Variants in CLEC16A observed in about 807,000 individuals in gnomAD.
The protein encoded by CLEC16A is protein CLEC16A.
Under a neutral mutation model 109.5 loss-of-function variants are expected in CLEC16A, and 51 were observed. That is an observed-to-expected ratio of 0.47 (90% CI 0.37 to 0.59). The LOEUF (loss-of-function observed/expected upper bound fraction) is 0.59, where lower values mean the gene tolerates loss of function less well. Ranked by LOEUF, CLEC16A falls within the 20% of genes least tolerant of loss-of-function variation. The pLI is 0.00. For missense variants in CLEC16A, 1,339 were observed against 1,394.0 expected (o/e 0.96, Z 0.63); for synonymous variants, 673 against 564.2 (o/e 1.19, Z -2.73).
chr16:10,969,586 C>T (rs138029496), intron 4 of CLEC16A, among the ~76,000 whole-genome samples: 20 of 152,276 alleles, frequency 1.3e-4, no homozygotes, highest in East Asian at 5.8e-4. Context: ...GGGGCACAAG[C>T]GATCCTCCTA....
At chr16:10,968,788 G>C (rs2042638306) in intron 3 of CLEC16A, among the ~76,000 whole-genome samples, 1 of 152,166 alleles carries the variant, frequency 6.6e-6, no homozygotes, top group African/African-American at 2.4e-5. Flanking sequence ...GATGGCAGAA[G>C]GGGGCAGCTT....
intron 22 of CLEC16A, among the ~76,000 whole-genome samples, chr16:11,145,172 G>A (rs2054000361): frequency 6.6e-6 from 1 of 152,170 alleles, no homozygotes; most frequent in Non-Finnish European, 1.5e-5. Context: ...TGGTTGGAGG[G>A]CCCAGGGAAT....
chr16:11,026,649 T>G (rs2046419168), intron 13 of CLEC16A, among the ~76,000 whole-genome samples: 2 of 147,494 alleles, frequency 1.4e-5, no homozygotes, highest in Non-Finnish European at 3.0e-5. Flanking sequence ...TTTGGGGTTT[T>G]TTTTTTTTTT....
intron 22 of CLEC16A, among the ~76,000 whole-genome samples, chr16:11,142,106 G>T (rs913829719): frequency 2.0e-5 from 3 of 152,166 alleles, no homozygotes; most frequent in Non-Finnish European, 4.4e-5. Flanking sequence ...GGCAGGTATG[G>T]TTACTCTCCC....
intron 22 of CLEC16A, among the ~76,000 whole-genome samples, chr16:11,127,294 A>C (rs1348331980): frequency 6.6e-6 from 1 of 152,234 alleles, no homozygotes; most frequent in Non-Finnish European, 1.5e-5. Context: ...CTTAACTGTT[A>C]CATGGTATTT....
intron 13 of CLEC16A, among the ~76,000 whole-genome samples, chr16:11,038,169 T>C (rs1181599497): frequency 6.6e-6 from 1 of 152,178 alleles, no homozygotes; most frequent in Non-Finnish European, 1.5e-5. Context: ...AGATATATTG[T>C]TACTTCTTAT....
intron 17 of CLEC16A, among the ~76,000 whole-genome samples, chr16:11,049,478 T>TTTTGCTTG (rs1555469402): frequency 6.6e-6 from 1 of 150,928 alleles, no homozygotes; most frequent in African/African-American, 2.4e-5. Flanking sequence ...TCCCAGGTTT[T>TTTTGCTTG]TTTGTTTGTT....
At position 11,024,864 on chromosome 16, in the gene CLEC16A, G is replaced by C. The variant is rs777259686; in HGVS notation, c.1480G>C (p.Asp494His). The C allele has an allele frequency of 1.5e-5, 24 of 1,609,868 alleles. No homozygotes were observed. The highest frequency in any genetic ancestry group is 9.3e-6 in the Non-Finnish European group (11 of 1,178,210). ...GTACCACGCGCTGGACAGCCCGGAT[G>C]ATGATTACCATGCCCTGTTCGTGCT... ...MVYHALDSPD[D>H]DYHALFVLCL... Residue 494 changes from aspartate to histidine, a missense_variant, in exon 13 of 24, where the codon GAT (aspartate) becomes CAT (histidine). Asp to His is a moderately conservative substitution (Grantham distance 81). This residue lies in a region of CLEC16A where 1,061 missense variants were observed against 1,006.8 expected (regional missense o/e 1.05). Coordinates refer to ENST00000409790, the MANE Select transcript of CLEC16A (RefSeq NM_015226.3).
At chr16:11,000,507 C>G (rs756869133) in intron 10 of CLEC16A, among the ~76,000 whole-genome samples, 1 of 152,196 alleles carries the variant, frequency 6.6e-6, no homozygotes, top group Admixed American at 6.5e-5. Context: ...AGGAAGCTAA[C>G]TTCCTGGGTT....
chr16:10,949,764 T>G (rs1216644022), intron 1 of CLEC16A, among the ~76,000 whole-genome samples: 1 of 151,990 alleles, frequency 6.6e-6, no homozygotes. Flanking sequence ...AGACTGGAGG[T>G]GGGCCTCCAC....
Position 11,039,861 on chromosome 16 carries a change from A to C in CLEC16A, c.1645A>C (p.Asn549His). The C allele has an allele frequency of 6.2e-7, 1 of 1,612,884 alleles. No homozygotes were observed. Among genetic ancestry groups the C allele is most frequent in the Non-Finnish European group, 8.5e-7 (1 of 1,179,506 alleles). ...TGAAAGACTCATCAGGATCATGAACAACGCTGCCCAGCCAGGTGCCCACTT... is the reference window on the plus strand; with the variant it reads ...TGAAAGACTCATCAGGATCATGAACCACGCTGCCCAGCCAGGTGCCCACTT... ...LAERLIRIMN[N>H]AAQPDGKIRL... The change falls in exon 14 of 24, where the codon AAC becomes CAC. Residue 549 changes from asparagine (N) to histidine (H), a missense_variant. By Grantham distance (68) the Asn-to-His change is moderately conservative. Transcript: ENST00000409790.
rs536067685 is a variant in CLEC16A at position 11,121,879 on chromosome 16, C to CAAAAAAAA, written c.2268+1134_2268+1141dup. On this transcript the variant is annotated intron_variant, in intron 20 of 23. Coordinates refer to ENST00000409790, the MANE Select transcript of CLEC16A (RefSeq NM_015226.3). Reference sequence around the variant, plus strand: ...TGGGCGGCAGAGTGAGACCCTGTCTCAAAAAAAAAAAAAAAAAAAAAAAAA... The same window carrying CAAAAAAAA: ...TGGGCGGCAGAGTGAGACCCTGTCTCAAAAAAAAAAAAAAAAAAAAAAAAAAAAAAAAA... Among the ~76,000 whole-genome samples, 9 of 29,842 alleles carry CAAAAAAAA rather than the reference C, an allele frequency of 3.0e-4. 1 individual carries two copies. The highest frequency in any genetic ancestry group is 4.6e-4 in the Non-Finnish European group (8 of 17,208). 19.6% of individuals were successfully genotyped at this position (29,842 alleles called of 152,430 possible). A position where few individuals can be genotyped will look rare whatever the true frequency, so the allele number is the denominator to read the frequency against.
Position 10,961,494 on chromosome 16 carries a change from T to A in CLEC16A, c.210-961T>A, listed in dbSNP as rs945556907. Reference sequence around the variant, plus strand: ...TGTTAGCTTGAGTACAGAGAACACATAACTAGAAACGTCATTCTCTTCCTT... The same window carrying A: ...TGTTAGCTTGAGTACAGAGAACACAAAACTAGAAACGTCATTCTCTTCCTT... On this transcript the variant is annotated intron_variant, in intron 2 of 23. Transcript: ENST00000409790. This position sits in a 1 kb window ranked among gnomAD's most constrained non-coding sequence, Gnocchi z 4.3. Among the ~76,000 whole-genome samples, 2 of 152,150 alleles carry A rather than the reference T, an allele frequency of 1.3e-5. No homozygotes were observed. Among genetic ancestry groups the A allele is most frequent in the African/African-American group, 4.8e-5 (2 of 41,436 alleles).
chr16:10,994,832 T>C (rs1200550083), intron 10 of CLEC16A, among the ~76,000 whole-genome samples: 1 of 152,248 alleles, frequency 6.6e-6, no homozygotes, highest in Non-Finnish European at 1.5e-5. Context: ...CTCTGATTAG[T>C]GTGACGTCGG....
In CLEC16A at chr16:10,973,887, C is replaced by CTTTTTT. The variant is rs569414844; in HGVS notation, c.728+851_728+856dup. 9.7e-3 allele frequency among the ~76,000 whole-genome samples: 452 copies of CTTTTTT among 46,584 alleles called. 122 individuals carry two copies. Among genetic ancestry groups the CTTTTTT allele is most frequent in the African/African-American group, 0.025 (200 of 8,096 alleles). 30.6% of individuals were successfully genotyped at this position (46,584 alleles called of 152,430 possible). A position where few individuals can be genotyped will look rare whatever the true frequency, so the allele number is the denominator to read the frequency against. ...ATCCGGCCAAGTAAGGGGCTGCTTG[C>CTTTTTT]TTTTTTTTTTTTTTTTTTTTTTTTT... On this transcript the variant is annotated intron_variant, in intron 7 of 23. Coordinates refer to ENST00000409790, the MANE Select transcript of CLEC16A (RefSeq NM_015226.3).
intron 12 of CLEC16A, among the ~76,000 whole-genome samples, chr16:11,022,625 T>C (rs535542910): frequency 1.1e-4 from 17 of 152,076 alleles, no homozygotes; most frequent in East Asian, 7.7e-4. Flanking sequence ...AGAGGCCGGG[T>C]GCAGTGGCTC....
chr16:11,178,687 C>A lies in CLEC16A; in HGVS notation c.3159C>A (p.Asp1053Glu), dbSNP rs200068117. The A allele has an allele frequency of 6.7e-7, 1 of 1,489,824 alleles. No individual in the cohort carries two copies. Among genetic ancestry groups the A allele is most frequent in the Non-Finnish European group, 8.9e-7 (1 of 1,121,404 alleles). The allele number at this position is 1,489,824 out of a possible 1,614,324, so 92.3% of individuals were successfully genotyped here. A position where few individuals can be genotyped will look rare whatever the true frequency, so the allele number is the denominator to read the frequency against. Reference sequence around the variant, plus strand: ...CTGAGCCTGTGGGCACCGCTGAGGACTGAGTCAGTGCCGGGGCCTCCCTTT... The same window carrying A: ...CTGAGCCTGTGGGCACCGCTGAGGAATGAGTCAGTGCCGGGGCCTCCCTTT... ...ACAEPVGTAE[D>E] Residue 1053 changes from aspartate to glutamate, a missense_variant, in exon 24 of 24, where the codon GAC becomes GAA. This residue lies in a region of CLEC16A where 1,061 missense variants were observed against 1,006.8 expected (regional missense o/e 1.05). Coordinates refer to ENST00000409790, the MANE Select transcript of CLEC16A (RefSeq NM_015226.3). This position sits in a 1 kb window ranked among gnomAD's most constrained non-coding sequence, Gnocchi z 6.5.
chr16:10,960,493 C>T (rs954486000), intron 2 of CLEC16A, among the ~76,000 whole-genome samples: 2 of 152,202 alleles, frequency 1.3e-5, no homozygotes, highest in Non-Finnish European at 1.5e-5. Context: ...CATCACAAGG[C>T]ATTCACAATA....
intron 22 of CLEC16A, among the ~76,000 whole-genome samples, chr16:11,128,704 C>T (rs2052996500): frequency 6.6e-6 from 1 of 152,134 alleles, no homozygotes; most frequent in Admixed American, 6.5e-5. Context: ...TAGGCTGCCC[C>T]CACCCCCATC....
Sources: gnomAD v4.1 joint callset for allele counts (sites outside exome capture counted in the v4.1 genomes callset) on GRCh38, gnomAD v4.1.1 for gene constraint, gnomAD v4.1.1 regional missense constraint, Gnocchi (gnomAD v3.1) non-coding constraint, MANE v1.5 for transcripts, NCBI Gene and HGNC (gene_info 2026-07-23, HGNC 2026-07-21) for gene names.